The following PCDH15 variants were observed in gnomAD, a reference collection of about 807,000 sequenced individuals.
PCDH15 encodes protocadherin related 15, also known as protocadherin-15.
Under a neutral mutation model 178.5 loss-of-function variants are expected in PCDH15, and 129 were observed. That is an observed-to-expected ratio of 0.72 (90% CI 0.63 to 0.84). PCDH15 has a LOEUF of 0.84. Ranked by LOEUF, PCDH15 falls within the 40% of genes least tolerant of loss-of-function variation. PCDH15 has a pLI of 0.00. For missense variants in PCDH15, 2,230 were observed against 2,099.9 expected, an observed-to-expected ratio of 1.06 and a Z score of -1.21; for synonymous variants, 800 against 732.0, an observed-to-expected ratio of 1.09 and a Z score of -1.50.
At chr10:54,960,173 C>A (rs1047481813) in intron 2 of PCDH15, among the ~76,000 whole-genome samples, 1 of 152,130 alleles carries the variant, frequency 6.6e-6, no homozygotes, top group Non-Finnish European at 1.5e-5. Flanking sequence ...AAACCTCTCA[C>A]CTGAACATCA....
chr10:54,846,701 T>C (rs1319289713), intron 3 of PCDH15, among the ~76,000 whole-genome samples: 1 of 152,188 alleles, frequency 6.6e-6, no homozygotes, highest in African/African-American at 2.4e-5. Context: ...TCACTGCTAA[T>C]GAATAGAACT....
At chr10:53,889,989 A>G (rs1023134069) in intron 26 of PCDH15, among the ~76,000 whole-genome samples, 3 of 152,202 alleles carry the variant, frequency 2.0e-5, no homozygotes, top group Admixed American at 2.0e-4. Context: ...GGAACTGGTA[A>G]TGCTCTGTTT....
chr10:53,807,189 TA>T, intron 37 of PCDH15, 59 bp from the exon 38 acceptor site: 1 of 1,314,682 alleles, frequency 7.6e-7, no homozygotes, highest in Non-Finnish European at 1.0e-6. Context: ...AGGCAATGAT[TA>T]CATTGCCTGT....
chr10:55,250,410 G>T (rs895326755), intron 1 of PCDH15, among the ~76,000 whole-genome samples: 7 of 150,668 alleles, frequency 4.6e-5, no homozygotes, highest in Admixed American at 3.3e-4. Context: ...ACCTCCCAAA[G>T]TGCTACGATT....
At chr10:54,410,054 T>C (rs1053437396) in intron 3 of PCDH15, among the ~76,000 whole-genome samples, 2 of 152,196 alleles carry the variant, frequency 1.3e-5, no homozygotes. Context: ...GTTTTGTCTA[T>C]ACCTTGTGAG....
At chr10:54,193,004 G>T (rs1314048097) in intron 11 of PCDH15, among the ~76,000 whole-genome samples, 1 of 152,162 alleles carries the variant, frequency 6.6e-6, no homozygotes, top group Non-Finnish European at 1.5e-5. Context: ...GCTATTACAT[G>T]ACAGAACCAG....
chr10:55,551,455 C>A (rs142523457), intron 2 of PCDH15, among the ~76,000 whole-genome samples: 1,818 of 151,858 alleles, frequency 0.012, 27 homozygotes, highest in Non-Finnish European at 0.017. Context: ...TATAAATAAT[C>A]TTTCAGTCTG....
At chr10:54,228,231 C>T (rs2053664034) in intron 9 of PCDH15, among the ~76,000 whole-genome samples, 2 of 152,154 alleles carry the variant, frequency 1.3e-5, no homozygotes, top group South Asian at 4.1e-4. Context: ...ACTTACAGTT[C>T]CACGTGGCTG....
rs529514564 is a variant in PCDH15, at chr10:54,294,910, C to G, written c.876+22361G>C. ...AAAATGAAACTATATCTGAGACATG[C>G]TTCAAGTAATTTGGGAAGAAAGGAT... On this transcript the variant is annotated intron_variant, in intron 8 of 37. Coordinates refer to ENST00000644397, the MANE Select transcript of PCDH15 (RefSeq NM_001384140.1). Among the ~76,000 whole-genome samples the G allele has an allele frequency of 3.3e-5, 5 of 152,248 alleles. No individual in the cohort carries two copies. The South Asian group carries it at 1.0e-3, about 32-fold the overall frequency.
In PCDH15 at chr10:55,324,625, T is replaced by C. The variant is rs150259599; in HGVS notation, c.-155-157974A>G. Among the ~76,000 whole-genome samples, 872 of 152,204 alleles carry C rather than the reference T, an allele frequency of 5.7e-3. 5 individuals carry two copies. The highest frequency in any genetic ancestry group is 9.2e-3 in the Non-Finnish European group (625 of 67,994). On this transcript the variant is annotated intron_variant, in intron 2 of 5. Coordinates refer to the PCDH15 transcript ENST00000613346. ...AGAGACTTAGATAACCAAACAATCATAGTGGGAGACTTCAACACACCACTG... is the reference window on the plus strand; with the variant it reads ...AGAGACTTAGATAACCAAACAATCACAGTGGGAGACTTCAACACACCACTG...
At chr10:54,328,535 A>G (rs138278226) in intron 7 of PCDH15, among the ~76,000 whole-genome samples, 89 of 152,130 alleles carry the variant, frequency 5.9e-4, no homozygotes, top group Middle Eastern at 3.4e-3. Flanking sequence ...ACACATATGG[A>G]CTTCCTCAAC....
chr10:53,992,849 G>C (rs2091618085), intron 21 of PCDH15, among the ~76,000 whole-genome samples: 1 of 152,168 alleles, frequency 6.6e-6, no homozygotes, highest in African/African-American at 2.4e-5. Flanking sequence ...AGAGGGAAAA[G>C]TTCCTGGAAT....
intron 1 of PCDH15, among the ~76,000 whole-genome samples, chr10:55,202,257 CA>C (rs1840274087): frequency 6.6e-6 from 1 of 152,008 alleles, no homozygotes; most frequent in South Asian, 2.1e-4. Flanking sequence ...GATGGCGAGT[CA>C]AAAAGCAGCC....
intron 18 of PCDH15, among the ~76,000 whole-genome samples, chr10:54,040,093 A>G (rs2093508568): frequency 6.6e-6 from 1 of 151,994 alleles, no homozygotes; most frequent in Non-Finnish European, 1.5e-5. Context: ...ATGTTTCCTA[A>G]TACTGTTTAC....
rs988550440 is a variant in PCDH15 at position 53,802,997 on chromosome 10, T to C, written c.*3582A>G. On this transcript the variant is annotated 3_prime_UTR_variant, in exon 38 of 38. Coordinates refer to ENST00000644397, the MANE Select transcript of PCDH15 (RefSeq NM_001384140.1). ...TGCTTAACTGACCATAAATTTAAAG[T>C]AGATTGCAATGAAAAAAATACCAGT... 4 of 151,716 alleles carry C rather than the reference T, an allele frequency of 2.6e-5. No individual in the cohort carries two copies. The highest frequency in any genetic ancestry group is 4.4e-5 in the Non-Finnish European group (3 of 67,780). 9.4% of individuals were successfully genotyped at this position (151,716 alleles called of 1,614,324 possible).
At chr10:54,643,626 T>C (rs992339223) in intron 2 of PCDH15, among the ~76,000 whole-genome samples, 14 of 152,100 alleles carry the variant, frequency 9.2e-5, no homozygotes, top group Non-Finnish European at 4.4e-5. Context: ...TTTTAAAAAA[T>C]ACATACTTTT....
chr10:55,202,270 C>T (rs765148666), intron 1 of PCDH15, among the ~76,000 whole-genome samples: 1 of 151,918 alleles, frequency 6.6e-6, no homozygotes, highest in Admixed American at 6.6e-5. Flanking sequence ...AAAGCAGCCA[C>T]GGGGAAATAC....
intron 3 of PCDH15, among the ~76,000 whole-genome samples, chr10:54,844,030 A>G (rs1208378991): frequency 3.9e-5 from 6 of 152,058 alleles, no homozygotes; most frequent in African/African-American, 1.4e-4. Context: ...AACTTTTCTT[A>G]TATATTTCAG....
chr10:55,128,177 T>C (rs1837951192), intron 2 of PCDH15, among the ~76,000 whole-genome samples: 2 of 152,012 alleles, frequency 1.3e-5, no homozygotes, highest in Non-Finnish European at 1.5e-5. Context: ...AGCTCAAAGC[T>C]ATTCCTCTCA....
Sources: allele counts gnomAD v4.1 joint callset (sites outside exome capture counted in the v4.1 genomes callset), GRCh38; gene constraint gnomAD v4.1.1; transcripts MANE v1.5; gene names NCBI Gene and HGNC (gene_info 2026-07-23, HGNC 2026-07-21).